The following CCDC141 variants were observed in gnomAD, a reference collection of about 807,000 sequenced individuals.
The protein encoded by CCDC141 is coiled-coil domain containing 141.
In CCDC141, 168 loss-of-function variants were observed where a neutral mutation model predicts 181.0. The ratio of observed to expected loss-of-function variants is 0.93; its 90% CI spans 0.82 to 1.05. The LOEUF is 1.05. CCDC141 is among the 50% of genes least tolerant of loss of function. The pLI is 0.00. For synonymous variants in CCDC141, 666 were observed against 642.3 expected, an observed-to-expected ratio of 1.04 and a Z score of -0.56; for missense variants, 1,902 against 1,788.5, an observed-to-expected ratio of 1.06 and a Z score of -1.14.
chr2:178,984,218 C>A (rs1336791730), intron 2 of CCDC141, among the ~76,000 whole-genome samples: 4 of 149,764 alleles, frequency 2.7e-5, no homozygotes, highest in Non-Finnish European at 4.4e-5. Context: ...CCAAACTAAG[C>A]TTCATAAGTG....
intron 2 of CCDC141, among the ~76,000 whole-genome samples, chr2:179,039,764 A>T (rs2043244107): frequency 6.6e-6 from 1 of 152,190 alleles, no homozygotes; most frequent in Non-Finnish European, 1.5e-5. Context: ...TCATATTCAA[A>T]CCAACTTGGA....
intron 11 of CCDC141, among the ~76,000 whole-genome samples, chr2:178,880,897 GGAAA>G (rs1234939298): frequency 6.6e-6 from 1 of 152,202 alleles, no homozygotes; most frequent in Non-Finnish European, 1.5e-5. Flanking sequence ...GCATATTTGA[GGAAA>G]AGACACCAGC....
At chr2:178,913,270 C>T (rs1234176289) in intron 7 of CCDC141, among the ~76,000 whole-genome samples, 1 of 152,176 alleles carries the variant, frequency 6.6e-6, no homozygotes, top group Non-Finnish European at 1.5e-5. Context: ...TTAAGACAGG[C>T]TGCTGAGGAA....
At chr2:178,885,858 C>T (rs1244124304) in intron 10 of CCDC141, among the ~76,000 whole-genome samples, 1 of 152,102 alleles carries the variant, frequency 6.6e-6, no homozygotes, top group Non-Finnish European at 1.5e-5. Context: ...AATATGCTTC[C>T]CAAGTACTAC....
intron 7 of CCDC141, among the ~76,000 whole-genome samples, chr2:178,917,803 C>CCTCCAA (rs1558979441): frequency 6.6e-6 from 1 of 152,196 alleles, no homozygotes; most frequent in African/African-American, 2.4e-5. Context: ...GCAGAGCACT[C>CCTCCAA]CTCCAACTCA....
intron 17 of CCDC141, among the ~76,000 whole-genome samples, chr2:178,861,954 T>C (rs1294995102): frequency 6.6e-6 from 1 of 152,198 alleles, no homozygotes; most frequent in African/African-American, 2.4e-5. Flanking sequence ...GCAAACTCTT[T>C]CTCTGCTTCC....
At chr2:178,863,079 T>C (rs1685691897) in intron 17 of CCDC141, among the ~76,000 whole-genome samples, 1 of 152,228 alleles carries the variant, frequency 6.6e-6, no homozygotes, top group African/African-American at 2.4e-5. Flanking sequence ...TGAAATATTA[T>C]GTAAATGGTG....
chr2:178,856,209 G>T, intron 18 of CCDC141, 48 bp downstream of exon 18: 1 of 1,478,640 alleles, frequency 6.8e-7, no homozygotes, highest in Non-Finnish European at 9.1e-7. Context: ...TAATTGTGTA[G>T]TACATGCATA....
chr2:179,010,077 A>G (rs2042224417), intron 2 of CCDC141, among the ~76,000 whole-genome samples: 1 of 152,154 alleles, frequency 6.6e-6, no homozygotes, highest in South Asian at 2.1e-4. Context: ...AGGTTTTTAA[A>G]TTAACCCAAT....
rs558471339 is a variant in CCDC141, at chr2:178,905,152, G to A, written c.1265+177C>T. The stretch of plus-strand genomic sequence containing the variant: ...TCAGAATATGGCCTCACTTCTGGAT[G>A]AGCAATGGATGTGTTCAGAATAGCT... On this transcript the variant is annotated intron_variant, in intron 8 of 23. Transcript: ENST00000443758. Among the ~76,000 whole-genome samples the A allele has an allele frequency of 3.3e-5, 5 of 152,270 alleles. No individual in the cohort carries two copies. In the East Asian group the frequency reaches 9.6e-4, roughly 29 times the overall value.
chr2:178,872,444 T>C, intron 12 of CCDC141, 132 bp from the exon 13 acceptor site: 1 of 778,662 alleles, frequency 1.3e-6, no homozygotes, highest in Non-Finnish European at 2.0e-6. Context: ...TCCAAGCAAG[T>C]CCGAAATCCC....
intron 7 of CCDC141, among the ~76,000 whole-genome samples, chr2:178,911,854 C>T (rs1463305497): frequency 6.6e-6 from 1 of 152,174 alleles, no homozygotes; most frequent in African/African-American, 2.4e-5. Flanking sequence ...AGAGGAGGCA[C>T]TATGTGTAGA....
Position 178,965,673 on chromosome 2 carries a change from C to T in CCDC141, c.527-4190G>A, listed in dbSNP as rs1690593965. 2.0e-5 allele frequency among the ~76,000 whole-genome samples: 3 copies of T among 152,206 alleles called. No homozygotes were observed. The South Asian group carries it at 6.2e-4, about 31-fold the overall frequency. On this transcript the variant is annotated intron_variant, in intron 4 of 23. Transcript: ENST00000443758. Reference sequence around the variant, plus strand: ...CCCCACCAGGGCCCTGGGTTTCAAGCACAAAACTTGGCAGCCATTTGGGCA... The same window carrying T: ...CCCCACCAGGGCCCTGGGTTTCAAGTACAAAACTTGGCAGCCATTTGGGCA...
At chr2:178,889,763 A>G (rs1203214033) in intron 8 of CCDC141, among the ~76,000 whole-genome samples, 1 of 152,198 alleles carries the variant, frequency 6.6e-6, no homozygotes, top group African/African-American at 2.4e-5. Flanking sequence ...GGAGGAAAAT[A>G]TGAAACCACT....
chr2:178,990,255 TAA>T (rs71023464), intron 2 of CCDC141, among the ~76,000 whole-genome samples: 24 of 148,440 alleles, frequency 1.6e-4, no homozygotes, highest in Admixed American at 6.7e-4. Context: ...ACAGCTGCTT[TAA>T]AAAAAAAAAC....
rs750334957 is a variant in CCDC141 at position 179,005,071 on chromosome 2, C to T, written c.226-26396G>A. Among the ~76,000 whole-genome samples the T allele has an allele frequency of 3.9e-5, 6 of 152,292 alleles. No homozygotes were observed. The South Asian group carries it at 1.2e-3, about 32-fold the overall frequency. ...TTAAAAGCCACAAAAATTTTTTTGG[C>T]TTCTTGAGAGCTTTTAAATCACCAA... On this transcript the variant is annotated intron_variant, in intron 2 of 23. Coordinates refer to ENST00000443758, the MANE Select transcript of CCDC141 (RefSeq NM_173648.4).
intron 6 of CCDC141, among the ~76,000 whole-genome samples, chr2:178,939,763 G>C (rs141330018): frequency 9.9e-5 from 15 of 152,142 alleles, no homozygotes; most frequent in East Asian, 5.8e-4. Context: ...TGTGGTGGAG[G>C]GGGGGTGTTG....
At chr2:178,912,170 A>G (rs955346470) in intron 7 of CCDC141, among the ~76,000 whole-genome samples, 6 of 152,188 alleles carry the variant, frequency 3.9e-5, no homozygotes, top group Admixed American at 2.0e-4. Flanking sequence ...TCTTACCCTC[A>G]AGAAATTTTA....
At chr2:178,824,146 A>T in the CCDC141 span, among the ~76,000 whole-genome samples, 3 of 152,206 alleles carry the variant, frequency 2.0e-5, no homozygotes, top group South Asian at 6.2e-4. Flanking sequence ...AATGATCCTT[A>T]TGGCATGTAA....
Sources: gnomAD v4.1 joint callset for allele counts (sites outside exome capture counted in the v4.1 genomes callset) on GRCh38, gnomAD v4.1.1 for gene constraint, MANE v1.5 for transcripts, NCBI Gene and HGNC (gene_info 2026-07-23, HGNC 2026-07-21) for gene names.